Variants in ASB8 observed in about 807,000 individuals in gnomAD.
The protein encoded by ASB8 is ankyrin repeat and SOCS box containing 8.
ASB8 carries 15 observed loss-of-function variants against 22.9 expected under a neutral mutation model. The ratio of observed to expected loss-of-function variants is 0.66; its 90% confidence interval spans 0.44 to 1.01. The LOEUF (loss-of-function observed/expected upper bound fraction) is 1.01, where lower values mean the gene tolerates loss of function less well. Ranked by LOEUF, ASB8 falls within the 50% of genes least tolerant of loss-of-function variation. The pLI is 0.00. For synonymous variants in ASB8, 124 were observed against 140.8 expected, an observed-to-expected ratio of 0.88 and a Z score of 0.84; for missense variants, 294 against 356.9, an observed-to-expected ratio of 0.82 and a Z score of 1.42.
chr12:48,152,431 CTG>C (rs561915555), intron 2 of ASB8, among the ~76,000 whole-genome samples: 2 of 152,168 alleles, frequency 1.3e-5, no homozygotes, highest in Admixed American at 6.5e-5. Flanking sequence ...TGATCAAAAA[CTG>C]TGTAACTTCT....
chr12:48,151,034 A>G (rs1460453242), intron 3 of ASB8, 167 bp downstream of exon 3: 1 of 630,878 alleles, frequency 1.6e-6, no homozygotes, highest in African/African-American at 1.8e-5. Flanking sequence ...ATCATTTTAT[A>G]TATTTACCAT....
rs748640201 is a variant in ASB8 at position 48,149,390 on chromosome 12, C to T, written c.843G>A (p.Lys281=). 4 of 1,614,032 alleles carry T rather than the reference C, an allele frequency of 2.5e-6. No individual in the cohort carries two copies. Among genetic ancestry groups the T allele is most frequent in the Non-Finnish European group, 3.4e-6 (4 of 1,179,918 alleles). ...GCTATTCTAAAAGTAACAGGTATTC[C>T]TTCAAAGAAGCTGGCAGTGGAAGGC... ...VKGLPLPASL[K]EYLLLLE is the part of the protein sequence containing the mutation. The change falls in exon 4 of 4, where the codon AAG becomes AAA. Residue 281 remains lysine (K), a synonymous_variant. Transcript: ENST00000317697.
chr12:48,150,970 T>C, intron 3 of ASB8: 1 of 600,970 alleles, frequency 1.7e-6, no homozygotes, highest in Middle Eastern at 4.2e-4. Context: ...ATCAGCACCA[T>C]ACAATGGGGG....
At position 48,153,446 on chromosome 12, in the gene ASB8, A is replaced by G. The variant is rs1388468814; in HGVS notation, c.51T>C (p.Ser17=). 1.2e-6 allele frequency: 2 copies of G among 1,613,534 alleles called. No homozygotes were observed. The highest frequency in any genetic ancestry group is 4.5e-5 in the East Asian group (2 of 44,882). Residue 17 remains serine (S), a synonymous_variant, in exon 2 of 4, where the codon TCT becomes TCC. Coordinates refer to ENST00000317697, the MANE Select transcript of ASB8 (RefSeq NM_024095.5). ...YIMQSIQSKY[S]LSERLIRTIA... ...TTGTTCGGATTAAGCGCTCGGAGAGAGAGTATTTGCTCTGAATGCTCTGCA... is the reference window on the plus strand; with the variant it reads ...TTGTTCGGATTAAGCGCTCGGAGAGGGAGTATTTGCTCTGAATGCTCTGCA...
chr12:48,151,705 G>A, intron 2 of ASB8: 2 of 1,124,938 alleles, frequency 1.8e-6, no homozygotes, highest in African/African-American at 1.6e-5. Flanking sequence ...ACTGAGGCCA[G>A]AAATGGCATG....
Position 48,149,417 on chromosome 12 carries a change from C to T in ASB8, c.816G>A (p.Lys272=), listed in dbSNP as rs1168280147. The T allele has an allele frequency of 1.2e-6, 2 of 1,613,780 alleles. No homozygotes were observed. ...TCAAAGAAGCTGGCAGTGGAAGGCCCTTCACTGCATCGGGGAGATACTGGA... is the reference window on the plus strand; with the variant it reads ...TCAAAGAAGCTGGCAGTGGAAGGCCTTTCACTGCATCGGGGAGATACTGGA... ...LGLQYLPDAV[K]GLPLPASLKE... The change falls in exon 4 of 4, where the codon AAG becomes AAA. Residue 272 remains lysine, a synonymous_variant. Coordinates refer to ENST00000317697, the MANE Select transcript of ASB8 (RefSeq NM_024095.5).
chr12:48,148,623 A>C lies in ASB8; in HGVS notation c.*743T>G, dbSNP rs1239623656. The C allele has an allele frequency of 2.2e-5, 2 of 90,902 alleles. No individual in the cohort carries two copies. Among genetic ancestry groups the C allele is most frequent in the Non-Finnish European group, 4.6e-5 (2 of 43,880 alleles). 5.6% of individuals were successfully genotyped at this position (90,902 alleles called of 1,614,324 possible). A position where few individuals can be genotyped will look rare whatever the true frequency, so the allele number is the denominator to read the frequency against. ...ACAATTGCTGTTAGCTGAAATTGTG[A>C]TTTTCTTAAGTTTTTTCACAGATCA... On this transcript the variant is annotated 3_prime_UTR_variant, in exon 4 of 4. Transcript: ENST00000317697.
At chr12:48,156,111 A>G (rs1191788982) in intron 1 of ASB8, among the ~76,000 whole-genome samples, 1 of 151,994 alleles carries the variant, frequency 6.6e-6, no homozygotes, top group Non-Finnish European at 1.5e-5. Context: ...ATCCCTTTAT[A>G]TATTATATAC....
At position 48,149,881 on chromosome 12, in the gene ASB8, T is replaced by C. The variant is rs1258004742; in HGVS notation, c.352A>G (p.Arg118Gly). Residue 118 changes from arginine (R) to glycine (G), a missense_variant, in exon 4 of 4, where the codon AGA becomes GGA. Transcript: ENST00000317697. Reference sequence around the variant, plus strand: ...GCTGCCCAGTGAAGTGGGGTATCTCTGTTGCCATCCAAAGCATTGGGGTTT... The same window carrying C: ...GCTGCCCAGTGAAGTGGGGTATCTCCGTTGCCATCCAAAGCATTGGGGTTT... The part of the protein sequence containing the change: ...GANPNALDGN[R>G]DTPLHWAAFK... 6.2e-7 allele frequency: 1 copy of C among 1,614,114 alleles called. No individual in the cohort carries two copies. The highest frequency in any genetic ancestry group is 8.5e-7 in the Non-Finnish European group (1 of 1,180,038).
intron 3 of ASB8, among the ~76,000 whole-genome samples, chr12:48,150,356 C>T (rs1432113774): frequency 6.6e-6 from 1 of 152,218 alleles, no homozygotes; most frequent in Non-Finnish European, 1.5e-5. Flanking sequence ...TGCTCTGAAA[C>T]ATTACTGGAA....
In ASB8 at chr12:48,149,998, C is replaced by T; in HGVS notation, c.235G>A (p.Val79Met). 1 of 1,611,826 alleles carries T rather than the reference C, an allele frequency of 6.2e-7. No individual in the cohort carries two copies. The highest frequency in any genetic ancestry group is 8.5e-7 in the Non-Finnish European group (1 of 1,178,322). The change falls in exon 4 of 4, where the codon GTG (valine) becomes ATG (methionine). Residue 79 changes from valine (V) to methionine (M), a missense_variant and splice_region_variant. Physicochemically the swap from Val to Met is conservative, Grantham distance 21 (BLOSUM62 1). Transcript: ENST00000317697. ...CGGTTATACCCATCCAGGGCATTCA[C>T]CTGTAAAAAGGGAGGAACTATTACA... ...VELLLEKGAE[V>M]NALDGYNRTA...
rs1951237612 is a variant in ASB8, at chr12:48,153,504, C to T, written c.-8G>A. The T allele has an allele frequency of 1.2e-6, 2 of 1,613,534 alleles. No individual in the cohort carries two copies. Among genetic ancestry groups the T allele is most frequent in the Non-Finnish European group, 1.7e-6 (2 of 1,179,666 alleles). On this transcript the variant is annotated 5_prime_UTR_variant, in exon 2 of 4. Transcript: ENST00000317697. ...CCACATACTGGAACTCATCAAGGCT[C>T]AAGGTGTTCACATGCTCCAAACTGC...
At chr12:48,154,783 C>CA (rs199609112) in intron 1 of ASB8, among the ~76,000 whole-genome samples, 3,064 of 151,274 alleles carry the variant, frequency 0.02, 66 homozygotes, top group East Asian at 0.093. Context: ...ACTAAAAATA[C>CA]AAAAAAAATT....
chr12:48,153,727 C>T (rs1951241096), intron 1 of ASB8, 198 bp from the exon 2 acceptor site: 1 of 360,972 alleles, frequency 2.8e-6, no homozygotes, highest in Non-Finnish European at 5.1e-6. Context: ...TCTACTCTAA[C>T]CTAGTCTAGC....
chr12:48,150,237 G>T, intron 3 of ASB8: 1 of 700,346 alleles, frequency 1.4e-6, no homozygotes, highest in Non-Finnish European at 2.6e-6. Flanking sequence ...TGACTAGCTG[G>T]TCTGCATTAT....
chr12:48,149,634 C>A lies in ASB8; in HGVS notation c.599G>T (p.Gly200Val). The A allele has an allele frequency of 6.2e-7, 1 of 1,614,172 alleles. No individual in the cohort carries two copies. Among genetic ancestry groups the A allele is most frequent in the Non-Finnish European group, 8.5e-7 (1 of 1,180,032 alleles). Residue 200 changes from glycine (G) to valine (V), a missense_variant, in exon 4 of 4, where the codon GGA becomes GTA. By Grantham distance (109) the Gly-to-Val change is moderately radical. Transcript: ENST00000317697. ...AAAGCAAGAGTCCTCTTTCTCTGTT[C>A]CAAGTCCCCTGACTAGCAGAGCCAC... ...RLVALLVRGLGTEKEDSCFEL... is the reference protein window; with the variant it reads ...RLVALLVRGLVTEKEDSCFEL...
At position 48,153,382 on chromosome 12, in the gene ASB8, C is replaced by T. The variant is rs1480943966; in HGVS notation, c.115G>A (p.Asp39Asn). Residue 39 changes from aspartate (D) to asparagine (N), a missense_variant, in exon 2 of 4, where the codon GAC becomes AAC. Asp to Asn is a conservative substitution (Grantham distance 23). Transcript: ENST00000317697. ...IRSFPHDNVEDLIRGGADVNC... is the reference protein window; with the variant it reads ...IRSFPHDNVENLIRGGADVNC... ...AGCACACTCACCCCTCTGATGAGGT[C>T]CTCTACATTATCATGTGGGAAGGAA... 1 of 1,613,954 alleles carries T rather than the reference C, an allele frequency of 6.2e-7. No homozygotes were observed. Among genetic ancestry groups the T allele is most frequent in the Non-Finnish European group, 8.5e-7 (1 of 1,179,884 alleles).
chr12:48,156,872 G>T (rs761788815), intron 1 of ASB8, among the ~76,000 whole-genome samples: 9 of 151,790 alleles, frequency 5.9e-5, no homozygotes, highest in Non-Finnish European at 1.0e-4. Flanking sequence ...GCCCGTGTAA[G>T]GTTTGATCCC....
In ASB8 at chr12:48,155,742, AAT is replaced by A. The variant is rs1555211490; in HGVS notation, c.-34+1715_-34+1716del. Among the ~76,000 whole-genome samples the A allele has an allele frequency of 1.6e-3, 180 of 114,794 alleles. 3 individuals carry two copies. Among genetic ancestry groups the A allele is most frequent in the Middle Eastern group, 0.011 (2 of 184 alleles). The allele number at this position is 114,794 out of a possible 152,430, so 75.3% of individuals were successfully genotyped here. On this transcript the variant is annotated intron_variant, in intron 1 of 3. Coordinates refer to ENST00000317697, the MANE Select transcript of ASB8 (RefSeq NM_024095.5). The stretch of plus-strand genomic sequence containing the variant: ...GAGACTCCATCTCAAAAAAAAAAAA[AAT>A]ATATATATATATATGTATATATAGT...
Sources: gnomAD v4.1 joint callset for allele counts (sites outside exome capture counted in the v4.1 genomes callset) on GRCh38, gnomAD v4.1.1 for gene constraint, MANE v1.5 for transcripts, NCBI Gene and HGNC (gene_info 2026-07-23, HGNC 2026-07-21) for gene names.